CDC25C: variants seen among roughly 807,000 people sequenced by gnomAD.
CDC25C encodes cell division cycle 25C, also known as M-phase inducer phosphatase 3.
A neutral mutation model predicts 52.5 loss-of-function variants in CDC25C; 48 were observed. The ratio of observed to expected loss-of-function variants is 0.91; its 90% CI spans 0.72 to 1.16. The LOEUF (loss-of-function observed/expected upper bound fraction) is 1.16, where lower values mean the gene tolerates loss of function less well. Among genes scored for constraint, CDC25C ranks in the 50% most tolerant of loss-of-function variants. The pLI, the probability that CDC25C is intolerant of heterozygous loss-of-function variation, is 0.00. For synonymous variants in CDC25C, 187 were observed against 206.5 expected (o/e 0.91, Z 0.81); for missense variants, 510 against 566.1 (o/e 0.90, Z 1.01).
chr5:138,318,110 C>T (rs1385693037), intron 7 of CDC25C, among the ~76,000 whole-genome samples: 3 of 152,158 alleles, frequency 2.0e-5, no homozygotes, highest in African/African-American at 7.2e-5. Flanking sequence ...GGGCAGATCA[C>T]TTGAGGTCAG....
At position 138,285,362 on chromosome 5, in the gene CDC25C, TG is replaced by T. The variant is rs1332621236; in HGVS notation, c.*329del. 1 of 258,624 alleles carries T rather than the reference TG, an allele frequency of 3.9e-6. No homozygotes were observed. Among genetic ancestry groups the T allele is most frequent in the Non-Finnish European group, 7.4e-6 (1 of 135,998 alleles). 16.0% of individuals were successfully genotyped at this position (258,624 alleles called of 1,614,324 possible). A position where few individuals can be genotyped will look rare whatever the true frequency, so the allele number is the denominator to read the frequency against. On this transcript the variant is annotated 3_prime_UTR_variant, in exon 14 of 14. Coordinates refer to ENST00000323760, the MANE Select transcript of CDC25C (RefSeq NM_001790.5). ...AAAGAAAGAAGGTAGACAACGCTCTTGCATAGCCCGAAGCCCAGAGAGAAAG... is the reference window on the plus strand; with the variant it reads ...AAAGAAAGAAGGTAGACAACGCTCTTCATAGCCCGAAGCCCAGAGAGAAAG...
At chr5:138,337,018 T>G (rs1760749836) in intron 1 of CDC25C, 1 of 152,216 alleles carries the variant, frequency 6.6e-6, no homozygotes, top group Non-Finnish European at 1.5e-5. Context: ...AAAACAGATG[T>G]CTTTCAGAGG....
chr5:138,331,455 G>A (rs1180847311), intron 1 of CDC25C, 140 bp downstream of exon 1: 1 of 655,298 alleles, frequency 1.5e-6, no homozygotes, highest in East Asian at 4.0e-5. Flanking sequence ...CGAGACTCCT[G>A]ACTAGAAAGA....
At position 138,292,061 on chromosome 5, in the gene CDC25C, G is replaced by A. The variant is rs145511523; in HGVS notation, c.671C>T (p.Pro224Leu). 6.0e-5 allele frequency: 97 copies of A among 1,613,218 alleles called. No individual in the cohort carries two copies. The African/African-American group carries it at 1.1e-3, about 19-fold the overall frequency. Residue 224 changes from proline (P) to leucine (L), a missense_variant, in exon 8 of 14, where the codon CCA (proline) becomes CTA (leucine). Pro to Leu is a moderately conservative substitution (Grantham distance 98). Transcript: ENST00000323760. ...SPSMPENLNR[P>L]RLKQVEKFKD... ...GAATTTTTCCACCTGCTTCAGTCTTGGCCTGTTCAAGTTCTCTGGCATCGA... is the reference window on the plus strand; with the variant it reads ...GAATTTTTCCACCTGCTTCAGTCTTAGCCTGTTCAAGTTCTCTGGCATCGA...
chr5:138,296,257 A>G lies in CDC25C; in HGVS notation c.616-4141T>C, dbSNP rs1408251211. Among the ~76,000 whole-genome samples, 3 of 152,068 alleles carry G rather than the reference A, an allele frequency of 2.0e-5. No homozygotes were observed. The East Asian group carries it at 5.8e-4, about 29-fold the overall frequency. ...ATTTATTTATTTATTTATTTTTGAG[A>G]TGGAGTCTCCCTCTGGAACCCAGGC... is the stretch of plus-strand genomic sequence containing the variant. On this transcript the variant is annotated intron_variant, in intron 7 of 13. Transcript: ENST00000323760.
At chr5:138,338,281 G>A (rs1156507114) in exon 1 of CDC25C, 1 of 868,360 alleles carries the variant, frequency 1.2e-6, no homozygotes, top group Non-Finnish European at 1.7e-6. Flanking sequence ...TGCTCCGGCC[G>A]CGGCCCTGGG....
chr5:138,313,887 T>A (rs1454969723), intron 7 of CDC25C, among the ~76,000 whole-genome samples: 1 of 152,120 alleles, frequency 6.6e-6, no homozygotes, highest in Non-Finnish European at 1.5e-5. Flanking sequence ...TTCAAATTCA[T>A]TATACTGTTG....
intron 7 of CDC25C, among the ~76,000 whole-genome samples, chr5:138,314,171 A>G (rs1293562859): frequency 6.6e-6 from 1 of 150,592 alleles, no homozygotes. Flanking sequence ...AAATTTTTGT[A>G]TTTTTAATAG....
At chr5:138,337,548 GGA>G in intron 1 of CDC25C, 1 of 202,340 alleles carries the variant, frequency 4.9e-6, no homozygotes, top group Non-Finnish European at 1.0e-5. Context: ...CTGCTGGGGG[GGA>G]GGGGGCGGAG....
In CDC25C at chr5:138,331,066, AG is replaced by A; in HGVS notation, c.114del (p.Phe39LeufsTer22). 2 of 1,614,208 alleles carry A rather than the reference AG, an allele frequency of 1.2e-6. No homozygotes were observed. The highest frequency in any genetic ancestry group is 1.7e-6 in the Non-Finnish European group (2 of 1,180,014). ...MLNLLLERDT[S>X]FTVCPDVPRT... ...CTAGGGACATCTGGACAGACGGTAAAGGAAGTGTCTCTCTCCAGGAGCAGGT... is the reference window on the plus strand; with the variant it reads ...CTAGGGACATCTGGACAGACGGTAAAGAAGTGTCTCTCTCCAGGAGCAGGT... On this transcript the variant is annotated frameshift_variant, in exon 2 of 14. Transcript: ENST00000323760. LOFTEE classifies it high-confidence loss of function.
intron 6 of CDC25C, among the ~76,000 whole-genome samples, chr5:138,320,909 C>A: frequency 1.0e-5 from 1 of 99,930 alleles, no homozygotes; most frequent in African/African-American, 4.3e-5. Flanking sequence ...GAGTGAGACT[C>A]TGTCTCAAAA....
At chr5:138,289,153 G>C (rs182423237) in intron 10 of CDC25C, among the ~76,000 whole-genome samples, 3 of 152,136 alleles carry the variant, frequency 2.0e-5, no homozygotes, top group Admixed American at 2.0e-4. Context: ...TTTTATTAGA[G>C]ATGGGGTTTC....
Position 138,287,192 on chromosome 5 carries a change from C to CAT in CDC25C, c.1001_1002dup (p.Glu335MetfsTer12), listed in dbSNP as rs1756319863. 6.2e-7 allele frequency: 1 copy of CAT among 1,613,660 alleles called. No individual in the cohort carries two copies. The highest frequency in any genetic ancestry group is 1.3e-5 in the African/African-American group (1 of 74,896). ...ACCTGGATGTGTCCTCCCAGATACTCATATGGATAGCGACAATCAATGACA... is the reference window on the plus strand; with the variant it reads ...ACCTGGATGTGTCCTCCCAGATACTCATATATGGATAGCGACAATCAATGACA... On this transcript the variant is annotated frameshift_variant, in exon 11 of 14. Coordinates refer to ENST00000323760, the MANE Select transcript of CDC25C (RefSeq NM_001790.5). LOFTEE classifies it high-confidence loss of function.
intron 8 of CDC25C, among the ~76,000 whole-genome samples, chr5:138,291,375 C>A (rs950333221): frequency 6.6e-6 from 1 of 150,450 alleles, no homozygotes; most frequent in African/African-American, 2.4e-5. Context: ...TCTTTCAGAT[C>A]TTAAGAAAAA....
intron 1 of CDC25C, chr5:138,337,919 TG>T: frequency 7.8e-7 from 1 of 1,276,098 alleles, no homozygotes; most frequent in South Asian, 1.2e-5. Flanking sequence ...GTTGGGCCGT[TG>T]GAGGGAGGGA....
At chr5:138,314,552 T>C (rs1378864403) in intron 7 of CDC25C, among the ~76,000 whole-genome samples, 1 of 148,634 alleles carries the variant, frequency 6.7e-6, no homozygotes, top group Non-Finnish European at 1.5e-5. Flanking sequence ...CACCTTGACC[T>C]CCCAAAGTTC....
At chr5:138,325,450 G>GTGGTAAAAAAAAATCCA (rs1434204961) in intron 6 of CDC25C, among the ~76,000 whole-genome samples, 1 of 152,084 alleles carries the variant, frequency 6.6e-6, no homozygotes, top group African/African-American at 2.4e-5. Flanking sequence ...TGCATGTAAA[G>GTGGTAAAAAAAAATCCA]TGGTAAAAAA....
At chr5:138,287,360 C>A in intron 10 of CDC25C, 93 bp from the exon 11 acceptor site, 2 of 806,202 alleles carry the variant, frequency 2.5e-6, no homozygotes, top group South Asian at 1.6e-5. Context: ...TACTCCTGTT[C>A]TGTCCACTGT....
At chr5:138,329,484 T>C in intron 3 of CDC25C, 69 bp downstream of exon 3, 3 of 1,003,902 alleles carry the variant, frequency 3.0e-6, no homozygotes, top group Non-Finnish European at 4.7e-6. Context: ...TCCGTCTCTA[T>C]CCTCCTTCCC....
Sources: allele counts gnomAD v4.1 joint callset (sites outside exome capture counted in the v4.1 genomes callset), GRCh38; gene constraint gnomAD v4.1.1; transcripts MANE v1.5; gene names NCBI Gene and HGNC (gene_info 2026-07-23, HGNC 2026-07-21).